Variants in NFATC4 observed in about 807,000 individuals in gnomAD.
The protein encoded by NFATC4 is nuclear factor of activated T-cells, cytoplasmic 4.
NFATC4 carries 25 observed loss-of-function variants against 73.4 expected under a neutral mutation model. The observed-to-expected ratio is 0.34, with a 90% CI of 0.25 to 0.48. The LOEUF (loss-of-function observed/expected upper bound fraction) is 0.48, where lower values mean the gene tolerates loss of function less well. NFATC4 is among the 20% of genes least tolerant of loss of function. NFATC4 has a pLI of 0.99. For missense variants in NFATC4, 1,130 were observed against 1,203.7 expected, an observed-to-expected ratio of 0.94 and a Z score of 0.91; for synonymous variants, 523 against 510.3, an observed-to-expected ratio of 1.02 and a Z score of -0.34.
Position 24,373,646 on chromosome 14 carries a change from C to T in NFATC4, c.1560-49C>T. On this transcript the variant is annotated intron_variant, in intron 4 of 9. Transcript: ENST00000250373. The surrounding 1 kb of genome is among the most constrained non-coding windows in gnomAD (Gnocchi z 4.7). ...AACTTCCCTCTTTAGGGATGTATCA[C>T]CATTTTGGCTTCAGCTAGGAGGGCT... 1 of 1,570,138 alleles carries T rather than the reference C, an allele frequency of 6.4e-7. No homozygotes were observed. Among genetic ancestry groups the T allele is most frequent in the African/African-American group, 1.3e-5 (1 of 74,160 alleles).
chr14:24,367,938 G>A (rs1301037926), upstream of NFATC4: 1 of 1,260,906 alleles, frequency 7.9e-7, no homozygotes, highest in Non-Finnish European at 1.0e-6. Flanking sequence ...TTGTCACAAC[G>A]GCGGACCAAT....
intron 5 of NFATC4, 82 bp from the exon 6 acceptor site, chr14:24,374,244 T>A: frequency 1.3e-6 from 2 of 1,517,308 alleles, no homozygotes; most frequent in Non-Finnish European, 1.8e-6. Context: ...CCTGTGGCAG[T>A]TTTCCCAAAG....
rs1318623789 is a variant in NFATC4, at chr14:24,368,370, G to A, written c.30G>A (p.Glu10=). The A allele has an allele frequency of 2.2e-6, 3 of 1,376,394 alleles. No individual in the cohort carries two copies. Among genetic ancestry groups the A allele is most frequent in the African/African-American group, 3.0e-5 (2 of 65,652 alleles). The allele number at this position is 1,376,394 out of a possible 1,614,324, so 85.3% of individuals were successfully genotyped here. A position where few individuals can be genotyped will look rare whatever the true frequency, so the allele number is the denominator to read the frequency against. ...GGGCGGCCAGCTGCGAGGATGAGGAGCTGGAATTTAAGCTGGTGTTCGGGG... is the reference window on the plus strand; with the variant it reads ...GGGCGGCCAGCTGCGAGGATGAGGAACTGGAATTTAAGCTGGTGTTCGGGG... MGAASCEDE[E]LEFKLVFGEE... is the part of the protein sequence containing the mutation. The change falls in exon 1 of 10, where the codon GAG becomes GAA. Residue 10 remains glutamate (E), a synonymous_variant. Transcript: ENST00000250373.
At chr14:24,374,282 C>T (rs2042553869) in intron 5 of NFATC4, 44 bp from the exon 6 acceptor site, 1 of 1,571,534 alleles carries the variant, frequency 6.4e-7, no homozygotes, top group Non-Finnish European at 8.6e-7. Context: ...GGCCACCCCT[C>T]CATGCCCAGC....
At chr14:24,375,080 G>A (rs2042575117) in intron 6 of NFATC4, among the ~76,000 whole-genome samples, 1 of 151,974 alleles carries the variant, frequency 6.6e-6, no homozygotes, top group Admixed American at 6.5e-5. Flanking sequence ...AAAATATTCT[G>A]TGTAGAGACA....
At chr14:24,368,582 T>C in intron 1 of NFATC4, 142 bp downstream of exon 1, 2 of 643,108 alleles carry the variant, frequency 3.1e-6, no homozygotes, top group East Asian at 1.3e-4. Flanking sequence ...CTCGTTGGCC[T>C]GCGGAAGTGA....
rs145126892 is a variant in NFATC4 at position 24,370,236 on chromosome 14, G to A, written c.838G>A (p.Ala280Thr). 3 of 1,611,920 alleles carry A rather than the reference G, an allele frequency of 1.9e-6. No individual in the cohort carries two copies. Among genetic ancestry groups the A allele is most frequent in the Non-Finnish European group, 2.5e-6 (3 of 1,179,960 alleles). The change falls in exon 2 of 10, where the codon GCC becomes ACC. Residue 280 changes from alanine (A) to threonine (T), a missense_variant. Around this residue, in one of 3 missense-constraint regions of NFATC4, gnomAD observed 585 missense variants for 574.3 expected, o/e 1.02. Transcript: ENST00000250373. The stretch of plus-strand genomic sequence containing the variant: ...TTCCAGCTCGGGAACCCCATCTTCA[G>A]CCTCCCCAGCTCTGTCCCGCCGTGG... ...RYSSSGTPSS[A>T]SPALSRRGSL...
chr14:24,369,187 C>T, intron 1 of NFATC4: 1 of 1,515,052 alleles, frequency 6.6e-7, no homozygotes, highest in Non-Finnish European at 8.8e-7. Flanking sequence ...CCCAGTGCCT[C>T]AAGAAACACG....
rs140668992 is a variant in NFATC4 at position 24,373,400 on chromosome 14, G to T, written c.1559+30G>T. 6.2e-7 allele frequency: 1 copy of T among 1,610,176 alleles called. No individual in the cohort carries two copies. Among genetic ancestry groups the T allele is most frequent in the African/African-American group, 1.3e-5 (1 of 74,960 alleles). The stretch of plus-strand genomic sequence containing the variant: ...GTCCCATGCAACTTCCCCTCAGTCC[G>T]CAGGCTTTGTACTAGCTTTCTCCAC... On this transcript the variant is annotated intron_variant, in intron 4 of 9. Coordinates refer to ENST00000250373, the MANE Select transcript of NFATC4 (RefSeq NM_004554.5). The surrounding 1 kb of genome is among the most constrained non-coding windows in gnomAD (Gnocchi z 4.7).
At position 24,373,224 on chromosome 14, in the gene NFATC4, A is replaced by G. The variant is rs966122863; in HGVS notation, c.1413A>G (p.Ala471=). Residue 471 remains alanine, a synonymous_variant, in exon 4 of 10, where the codon GCA becomes GCG. Coordinates refer to ENST00000250373, the MANE Select transcript of NFATC4 (RefSeq NM_004554.5). The surrounding 1 kb of genome is among the most constrained non-coding windows in gnomAD (Gnocchi z 4.7). ...PLTLQMFIGT[A]DERNLRPHAF... ...CCCTACAGATGTTCATCGGCACTGC[A>G]GATGAAAGGAACCTGCGGCCTCATG... 41 of 1,614,224 alleles carry G rather than the reference A, an allele frequency of 2.5e-5. No individual in the cohort carries two copies. Among genetic ancestry groups the G allele is most frequent in the Non-Finnish European group, 3.5e-5 (41 of 1,180,052 alleles).
rs1436540508 is a variant in NFATC4, at chr14:24,377,736, C to T, written c.*31C>T. ...GTGAACTGTCATCACCTGGCAACCC[C>T]AGCCCCAGCCTCAGCCCTGCCCCCT... On this transcript the variant is annotated 3_prime_UTR_variant, in exon 10 of 10. Transcript: ENST00000250373. This position sits in a 1 kb window ranked among gnomAD's most constrained non-coding sequence, Gnocchi z 4.2. 2.0e-5 allele frequency: 33 copies of T among 1,614,186 alleles called. No individual in the cohort carries two copies. Among genetic ancestry groups the T allele is most frequent in the Non-Finnish European group, 2.7e-5 (32 of 1,180,000 alleles).
chr14:24,368,449 TG>T lies in NFATC4; in HGVS notation c.100+12del. The T allele has an allele frequency of 2.3e-6, 3 of 1,281,236 alleles. No homozygotes were observed. The highest frequency in any genetic ancestry group is 2.0e-6 in the Non-Finnish European group (2 of 1,010,920). 79.4% of individuals were successfully genotyped at this position (1,281,236 alleles called of 1,614,324 possible). ...GGGGGGATTGGGGGAAGGTTAGTGC[TG>T]GGCTGGGAAGGGGTCTTGGGGTCAG... is the stretch of plus-strand genomic sequence containing the variant. On this transcript the variant is annotated intron_variant, in intron 1 of 9. Transcript: ENST00000250373.
intron 3 of NFATC4, 148 bp downstream of exon 3, chr14:24,372,751 G>C (rs2042506504): frequency 1.0e-6 from 1 of 959,468 alleles, no homozygotes; most frequent in African/African-American, 1.6e-5. Flanking sequence ...TGGGGGAGGA[G>C]GGGTGCAAGG....
Position 24,370,406 on chromosome 14 carries a change from G to A in NFATC4, c.1008G>A (p.Glu336=). 1.9e-6 allele frequency: 3 copies of A among 1,614,070 alleles called. No individual in the cohort carries two copies. Among genetic ancestry groups the A allele is most frequent in the Non-Finnish European group, 2.5e-6 (3 of 1,180,034 alleles). The change falls in exon 2 of 10, where the codon GAG becomes GAA. Residue 336 remains glutamate (E), a synonymous_variant. Coordinates refer to ENST00000250373, the MANE Select transcript of NFATC4 (RefSeq NM_004554.5). ...IPQKTRRTSS[E]QAVALPRSEE... ...AGAAGACACGGCGGACTTCCAGCGA[G>A]CAGGCAGTGGCTCTGCCTCGGTCTG...
chr14:24,367,444 G>C (rs886274818), upstream of NFATC4: 146 of 1,535,622 alleles, frequency 9.5e-5, no homozygotes, highest in Non-Finnish European at 1.2e-4. Flanking sequence ...GCTGGGACAA[G>C]GGCAGCGGCA....
Position 24,368,300 on chromosome 14 carries a change from C to T in NFATC4, c.-41C>T, listed in dbSNP as rs200387476. 36 of 1,378,356 alleles carry T rather than the reference C, an allele frequency of 2.6e-5. No homozygotes were observed. The East Asian group carries it at 2.8e-4, about 11-fold the overall frequency. 85.4% of individuals were successfully genotyped at this position (1,378,356 alleles called of 1,614,324 possible). ...GATACAGCAGCCTCCTGAACTCCCC[C>T]CTCCCACCCAGGCCGGGACCTGGGG... On this transcript the variant is annotated 5_prime_UTR_variant, in exon 1 of 10. Coordinates refer to ENST00000250373, the MANE Select transcript of NFATC4 (RefSeq NM_004554.5).
rs2042696715 is a variant in NFATC4, at chr14:24,378,748, C to A, written c.*1043C>A. The A allele has an allele frequency of 6.6e-6, 1 of 152,312 alleles. No individual in the cohort carries two copies. The highest frequency in any genetic ancestry group is 2.4e-5 in the African/African-American group (1 of 41,468). The allele number at this position is 152,312 out of a possible 1,614,324, so 9.4% of individuals were successfully genotyped here. ...ATGTCACCTGCCCTGGGGCTTACAG[C>A]ACTATATGAGTTCCTGGCCTATCCT... On this transcript the variant is annotated 3_prime_UTR_variant, in exon 10 of 10. Transcript: ENST00000250373.
At chr14:24,371,063 A>C (rs1031164750) in intron 2 of NFATC4, among the ~76,000 whole-genome samples, 1 of 152,202 alleles carries the variant, frequency 6.6e-6, no homozygotes, top group African/African-American at 2.4e-5. Flanking sequence ...CTAGAGCCTG[A>C]CCTACTAGCT....
upstream of NFATC4, chr14:24,367,699 G>GT: frequency 6.5e-7 from 1 of 1,528,140 alleles, no homozygotes. Context: ...GAGCAACTCG[G>GT]TGCCACTCTG....
Sources: gnomAD v4.1 joint callset for allele counts (sites outside exome capture counted in the v4.1 genomes callset) on GRCh38, gnomAD v4.1.1 for gene constraint, gnomAD v4.1.1 regional missense constraint, Gnocchi (gnomAD v3.1) non-coding constraint, MANE v1.5 for transcripts, NCBI Gene and HGNC (gene_info 2026-07-23, HGNC 2026-07-21) for gene names.